Variants in DYNC2H1 observed in about 807,000 individuals in gnomAD.
DYNC2H1 encodes the protein cytoplasmic dynein 2 heavy chain 1.
Under a neutral mutation model 570.0 loss-of-function variants are expected in DYNC2H1, and 410 were observed. The observed-to-expected ratio is 0.72, with a 90% CI of 0.66 to 0.78. The LOEUF is 0.78. Ranked by LOEUF, DYNC2H1 falls within the 30% of genes least tolerant of loss-of-function variation. The probability of loss-of-function intolerance (pLI) is 0.00; values close to 1 mark genes in which losing one functional copy is unlikely to be tolerated. For synonymous variants in DYNC2H1, 1,688 were observed against 1,677.6 expected (o/e 1.01, Z -0.15); for missense variants, 4,865 against 5,046.4 (o/e 0.96, Z 1.09).
chr11:103,216,019 T>C (rs751911630), intron 55 of DYNC2H1, 161 bp downstream of exon 55: 38 of 862,480 alleles, frequency 4.4e-5, no homozygotes, highest in Non-Finnish European at 6.1e-5. Flanking sequence ...TGGAAGGGCA[T>C]GGTATTTTCC....
chr11:103,216,348 T>C (rs1336215611), intron 55 of DYNC2H1, among the ~76,000 whole-genome samples: 1 of 152,208 alleles, frequency 6.6e-6, no homozygotes, highest in African/African-American at 2.4e-5. Context: ...GAGATTTCTC[T>C]GAGTTCCTTC....
chr11:103,305,401 C>T lies in DYNC2H1; in HGVS notation c.11382+681C>T, dbSNP rs2135400951. On this transcript the variant is annotated intron_variant, in intron 77 of 88. Transcript: ENST00000375735. The surrounding 1 kb of genome is among the most constrained non-coding windows in gnomAD (Gnocchi z 4.3). ...CTAGTACAAGGAATGAAGAGATGTC[C>T]TTGATAGTACTAGACGGGCCAGGCA... 6.6e-6 allele frequency among the ~76,000 whole-genome samples: 1 copy of T among 152,128 alleles called. No individual in the cohort carries two copies. Among genetic ancestry groups the T allele is most frequent in the East Asian group, 1.9e-4 (1 of 5,172 alleles).
intron 65 of DYNC2H1, 87 bp from the exon 66 acceptor site, chr11:103,253,198 A>T: frequency 7.4e-7 from 1 of 1,343,110 alleles, no homozygotes; most frequent in Non-Finnish European, 1.0e-6. Flanking sequence ...GCCTATATTT[A>T]GAAGTACTTA....
intron 57 of DYNC2H1, 130 bp from the exon 58 acceptor site, chr11:103,221,900 G>C (rs971322568): frequency 1.1e-6 from 1 of 886,800 alleles, no homozygotes; most frequent in East Asian, 2.6e-5. Context: ...GAAGCTTAAA[G>C]GTTTTAATAC....
chr11:103,369,835 G>A lies in DYNC2H1; in HGVS notation c.12156+11476G>A, dbSNP rs543199935. On this transcript the variant is annotated intron_variant, in intron 83 of 88. Transcript: ENST00000375735. This position sits in a 1 kb window ranked among gnomAD's most constrained non-coding sequence, Gnocchi z 4.0. ...CAATACCCACGTGTACTACATTGAGGGCCTTGGGTGAGGTTCTGAGGCTTA... is the reference window on the plus strand; with the variant it reads ...CAATACCCACGTGTACTACATTGAGAGCCTTGGGTGAGGTTCTGAGGCTTA... Among the ~76,000 whole-genome samples, 1 of 152,314 alleles carries A rather than the reference G, an allele frequency of 6.6e-6. No homozygotes were observed. Among genetic ancestry groups the A allele is most frequent in the South Asian group, 2.1e-4 (1 of 4,826 alleles).
At chr11:103,207,008 G>GCCT (rs1333033045) in intron 52 of DYNC2H1, among the ~76,000 whole-genome samples, 1 of 151,876 alleles carries the variant, frequency 6.6e-6, no homozygotes, top group African/African-American at 2.4e-5. Flanking sequence ...TGCAACTTCT[G>GCCT]CCTCCTGGCT....
At chr11:103,119,165 G>A (rs188549050) in intron 6 of DYNC2H1, among the ~76,000 whole-genome samples, 9 of 152,112 alleles carry the variant, frequency 5.9e-5, no homozygotes, top group African/African-American at 1.9e-4. Context: ...AGTTCCATTG[G>A]CAACCAATGA....
chr11:103,409,633 T>A (rs2135680925), intron 84 of DYNC2H1: 1 of 153,410 alleles, frequency 6.5e-6, no homozygotes, highest in South Asian at 2.0e-4. Context: ...TTTATTAAAA[T>A]TAATTAGAGG....
At chr11:103,117,171 T>C (rs1487113493) in intron 5 of DYNC2H1, among the ~76,000 whole-genome samples, 3 of 148,206 alleles carry the variant, frequency 2.0e-5, no homozygotes, top group African/African-American at 7.4e-5. Flanking sequence ...TAATGCAGTA[T>C]CCATACAGTA....
At chr11:103,202,742 T>G (rs952536537) in intron 50 of DYNC2H1, among the ~76,000 whole-genome samples, 1 of 152,146 alleles carries the variant, frequency 6.6e-6, no homozygotes, top group African/African-American at 2.4e-5. Context: ...CACTTAATGT[T>G]ATAGTTTCTT....
At chr11:103,191,464 A>ATG in intron 45 of DYNC2H1, 53 bp from the exon 46 acceptor site, 1 of 1,383,990 alleles carries the variant, frequency 7.2e-7, no homozygotes, top group Non-Finnish European at 1.0e-6. Flanking sequence ...AATTTATAAC[A>ATG]TGATTATTAT....
At position 103,215,795 on chromosome 11, in the gene DYNC2H1, G is replaced by A. The variant is rs375421077; in HGVS notation, c.8769G>A (p.Val2923=). The change falls in exon 55 of 89, where the codon GTG becomes GTA. Residue 2923 remains valine, a synonymous_variant. Coordinates refer to ENST00000375735, the MANE Select transcript of DYNC2H1 (RefSeq NM_001377.3). ...ELNRKAGEQS[V]LLKTKQDEAD... ...ACAGAAAAGCTGGAGAACAAAGTGT[G>A]TTACTTAAAACGAAGCAAGATGAAG... is the stretch of plus-strand genomic sequence containing the variant. The A allele has an allele frequency of 2.8e-5, 45 of 1,612,446 alleles. No individual in the cohort carries two copies. The African/African-American group carries it at 5.7e-4, about 21-fold the overall frequency.
In DYNC2H1 at chr11:103,249,344, CTT is replaced by C. The variant is rs1237420008; in HGVS notation, c.10043-3935_10043-3934del. Among the ~76,000 whole-genome samples, 1 of 151,924 alleles carries C rather than the reference CTT, an allele frequency of 6.6e-6. No individual in the cohort carries two copies. The highest frequency in any genetic ancestry group is 1.5e-5 in the Non-Finnish European group (1 of 67,902). ...ACTAGTTCTACTCACCAAAGAAAAA[CTT>C]TTTTTATTTTAACTTTTTATTTAAA... On this transcript the variant is annotated intron_variant, in intron 65 of 88. Transcript: ENST00000375735. The surrounding 1 kb of genome is among the most constrained non-coding windows in gnomAD (Gnocchi z 4.6).
intron 84 of DYNC2H1, among the ~76,000 whole-genome samples, chr11:103,409,190 C>T (rs557223216): frequency 1.3e-5 from 2 of 152,054 alleles, no homozygotes; most frequent in Admixed American, 1.3e-4. Context: ...TGTAACCTTT[C>T]CTTCAAGAAT....
rs11326150 is a variant in DYNC2H1 at position 103,185,597 on chromosome 11, CT to C, written c.6633+554del. Among the ~76,000 whole-genome samples the C allele has an allele frequency of 0.91, 138,214 of 151,554 alleles. 63,081 individuals are homozygous for C. Among genetic ancestry groups the C allele is most frequent in the Admixed American group, 0.93 (14,032 of 15,134 alleles). ...TTTGGGTTGGCTCTAACATTAACAG[CT>C]TTTTTTTCTCATTTTGCTGCTTCTT... On this transcript the variant is annotated intron_variant, in intron 41 of 88. Transcript: ENST00000375735. This position sits in a 1 kb window ranked among gnomAD's most constrained non-coding sequence, Gnocchi z 4.5.
rs892132264 is a variant in DYNC2H1 at position 103,253,296 on chromosome 11, G to A, written c.10054G>A (p.Val3352Met). Residue 3352 changes from valine to methionine, a missense_variant, in exon 66 of 89, where the codon GTG (valine) becomes ATG (methionine). Physicochemically the swap from Val to Met is conservative, Grantham distance 21 (BLOSUM62 1). This residue lies in a region of DYNC2H1 where 2,401 missense variants were observed against 2,454.6 expected (regional missense o/e 0.98). Coordinates refer to ENST00000375735, the MANE Select transcript of DYNC2H1 (RefSeq NM_001377.3). ...RDLVAQGPRYVVQIGDKIIDY... is the reference protein window; with the variant it reads ...RDLVAQGPRYMVQIGDKIIDY... The stretch of plus-strand genomic sequence containing the variant: ...TTTTTTTTAAATAGGACCACGTTAT[G>A]TGGTACAAATAGGTGACAAAATTAT... 61 of 1,611,298 alleles carry A rather than the reference G, an allele frequency of 3.8e-5. No homozygotes were observed. The highest frequency in any genetic ancestry group is 1.3e-4 in the Admixed American group (8 of 59,912).
At chr11:103,222,181 G>A (rs751677583) in intron 58 of DYNC2H1, 28 bp downstream of exon 58, 15 of 1,433,798 alleles carry the variant, frequency 1.0e-5, no homozygotes, top group Admixed American at 2.3e-5. Context: ...CTATAAATTT[G>A]TTTTTCCATA....
At chr11:103,266,126 G>A (rs926022069) in intron 70 of DYNC2H1, among the ~76,000 whole-genome samples, 2 of 152,194 alleles carry the variant, frequency 1.3e-5, no homozygotes, top group African/African-American at 4.8e-5. Context: ...ACTACACTGC[G>A]ATAGGTGGTG....
Position 103,305,867 on chromosome 11 carries a change from A to T in DYNC2H1, c.11382+1147A>T, listed in dbSNP as rs1867260218. ...ATTATGGCTTTCTGTAAAAATTACT[A>T]ATGTGTAAAAATATAAAATTTATGT... On this transcript the variant is annotated intron_variant, in intron 77 of 88. Coordinates refer to ENST00000375735, the MANE Select transcript of DYNC2H1 (RefSeq NM_001377.3). This position sits in a 1 kb window ranked among gnomAD's most constrained non-coding sequence, Gnocchi z 4.3. Among the ~76,000 whole-genome samples the T allele has an allele frequency of 2.6e-5, 4 of 152,280 alleles. No homozygotes were observed. The South Asian group carries it at 8.3e-4, about 32-fold the overall frequency.
Sources: allele counts gnomAD v4.1 joint callset (sites outside exome capture counted in the v4.1 genomes callset), GRCh38; gene constraint gnomAD v4.1.1; regional missense constraint gnomAD v4.1.1; non-coding constraint Gnocchi (gnomAD v3.1); transcripts MANE v1.5; gene names NCBI Gene and HGNC (gene_info 2026-07-23, HGNC 2026-07-21).